GUCY1A2: variants seen among roughly 807,000 people sequenced by gnomAD.
GUCY1A2 encodes the protein guanylate cyclase 1 soluble subunit alpha 2, also known as guanylate cyclase soluble subunit alpha-2.
In GUCY1A2, 27 loss-of-function variants were observed where a neutral mutation model predicts 63.5. That is an observed-to-expected ratio of 0.43 (90% CI 0.31 to 0.59). The LOEUF (loss-of-function observed/expected upper bound fraction) is 0.59, where lower values mean the gene tolerates loss of function less well. Among genes scored for constraint, GUCY1A2 ranks in the 20% least tolerant of loss-of-function variants. The probability of loss-of-function intolerance (pLI) is 0.11; values close to 1 mark genes in which losing one functional copy is unlikely to be tolerated. For missense variants in GUCY1A2, 768 were observed against 913.3 expected (o/e 0.84, Z 2.05); for synonymous variants, 364 against 343.5 (o/e 1.06, Z -0.66).
intron 4 of GUCY1A2, among the ~76,000 whole-genome samples, chr11:106,841,424 C>G (rs996816695): frequency 6.6e-6 from 1 of 151,742 alleles, no homozygotes; most frequent in Non-Finnish European, 1.5e-5. Flanking sequence ...ATTCCCTGTC[C>G]ACAGGGAATT....
intron 6 of GUCY1A2, among the ~76,000 whole-genome samples, chr11:106,714,437 A>C (rs1402391968): frequency 6.6e-6 from 1 of 152,194 alleles, no homozygotes; most frequent in Non-Finnish European, 1.5e-5. Flanking sequence ...TAATTTATTG[A>C]GATTTCCCAG....
At chr11:106,901,103 G>C (rs1860126637) in intron 4 of GUCY1A2, among the ~76,000 whole-genome samples, 4 of 152,200 alleles carry the variant, frequency 2.6e-5, no homozygotes. Flanking sequence ...CTCAAACCCT[G>C]CTGCTGCCCT....
intron 3 of GUCY1A2, among the ~76,000 whole-genome samples, chr11:106,969,828 C>CAA (rs1861171898): frequency 6.6e-6 from 1 of 152,134 alleles, no homozygotes; most frequent in Non-Finnish European, 1.5e-5. Flanking sequence ...CCTCATAGTT[C>CAA]AAACACTGCC....
chr11:106,722,218 C>CAAAG (rs1863329405), intron 6 of GUCY1A2, among the ~76,000 whole-genome samples: 1 of 151,972 alleles, frequency 6.6e-6, no homozygotes, highest in Non-Finnish European at 1.5e-5. Context: ...GATTTGCAAA[C>CAAAG]AAAGAATGAG....
At chr11:106,947,189 C>T (rs1860841253) in intron 3 of GUCY1A2, among the ~76,000 whole-genome samples, 1 of 150,144 alleles carries the variant, frequency 6.7e-6, no homozygotes. Context: ...TGCACTCCAG[C>T]CTGGGTGACA....
At chr11:106,998,230 G>C (rs1369491355) in intron 1 of GUCY1A2, among the ~76,000 whole-genome samples, 2 of 152,070 alleles carry the variant, frequency 1.3e-5, no homozygotes, top group Non-Finnish European at 2.9e-5. Context: ...AGTATTTCTG[G>C]CCATCTGTTT....
intron 1 of GUCY1A2, among the ~76,000 whole-genome samples, chr11:107,003,244 T>C (rs1861631987): frequency 6.6e-6 from 1 of 152,184 alleles, no homozygotes; most frequent in South Asian, 2.1e-4. Flanking sequence ...AGTTGCAGGA[T>C]TGGCATCGCT....
At chr11:106,814,042 T>C (rs1858799068) in intron 4 of GUCY1A2, among the ~76,000 whole-genome samples, 1 of 152,198 alleles carries the variant, frequency 6.6e-6, no homozygotes, top group South Asian at 2.1e-4. Context: ...TCTTAACCAC[T>C]GTAGAAGCCT....
chr11:107,005,870 A>G (rs80111884), intron 1 of GUCY1A2, among the ~76,000 whole-genome samples: 3,578 of 152,278 alleles, frequency 0.023, 127 homozygotes, highest in African/African-American at 0.079. Context: ...CATAAAAAGC[A>G]TAAGAGCACT....
intron 6 of GUCY1A2, among the ~76,000 whole-genome samples, chr11:106,709,079 T>A (rs1238053755): frequency 7.1e-6 from 1 of 141,074 alleles, no homozygotes; most frequent in East Asian, 2.0e-4. Flanking sequence ...AAATTAAATA[T>A]TTATATTTCT....
chr11:106,796,402 C>G (rs185804583), intron 5 of GUCY1A2, among the ~76,000 whole-genome samples: 21 of 152,154 alleles, frequency 1.4e-4, no homozygotes, highest in Admixed American at 1.4e-3. Context: ...TTCCTAGCAT[C>G]GATGGTCTTT....
chr11:106,892,276 A>G (rs1859984856), intron 4 of GUCY1A2, among the ~76,000 whole-genome samples: 1 of 152,106 alleles, frequency 6.6e-6, no homozygotes, highest in South Asian at 2.1e-4. Flanking sequence ...AGTAAATAAT[A>G]ACTATAAATT....
chr11:106,702,310 T>C (rs1862830194), intron 7 of GUCY1A2, among the ~76,000 whole-genome samples: 1 of 152,094 alleles, frequency 6.6e-6, no homozygotes, highest in African/African-American at 2.4e-5. Context: ...ATTCCTAGGG[T>C]AGGAATTATG....
chr11:106,782,661 G>A (rs1864485321), intron 5 of GUCY1A2, among the ~76,000 whole-genome samples: 1 of 152,216 alleles, frequency 6.6e-6, no homozygotes, highest in African/African-American at 2.4e-5. Context: ...CCAAGAGTCT[G>A]AGTCCATAAG....
intron 4 of GUCY1A2, among the ~76,000 whole-genome samples, chr11:106,812,256 T>C (rs1001760985): frequency 6.6e-6 from 1 of 151,982 alleles, no homozygotes; most frequent in African/African-American, 2.4e-5. Context: ...ATGGCAATGA[T>C]AACATCTGAT....
At chr11:106,751,451 A>G (rs1863880028) in intron 6 of GUCY1A2, among the ~76,000 whole-genome samples, 1 of 151,020 alleles carries the variant, frequency 6.6e-6, no homozygotes, top group Non-Finnish European at 1.5e-5. Context: ...ATTAAATAGC[A>G]TTCTCTTCTC....
chr11:106,745,455 A>T (rs1236531352), intron 6 of GUCY1A2, among the ~76,000 whole-genome samples: 5 of 152,228 alleles, frequency 3.3e-5, no homozygotes, highest in Admixed American at 3.3e-4. Context: ...CTCCCATTTT[A>T]AACAATAAAA....
At chr11:106,864,810 C>T (rs1294746971) in intron 4 of GUCY1A2, among the ~76,000 whole-genome samples, 5 of 152,108 alleles carry the variant, frequency 3.3e-5, no homozygotes, top group South Asian at 2.1e-4. Context: ...CTGCTGGATT[C>T]GGTTTGCCAG....
At chr11:106,906,908 G>C (rs1438824490) in intron 4 of GUCY1A2, among the ~76,000 whole-genome samples, 5 of 152,066 alleles carry the variant, frequency 3.3e-5, no homozygotes, top group Non-Finnish European at 7.4e-5. Context: ...ACACAGGGAG[G>C]GGAAATTCAC....
Sources: allele counts gnomAD v4.1 joint callset (sites outside exome capture counted in the v4.1 genomes callset), GRCh38; gene constraint gnomAD v4.1.1; transcripts MANE v1.5; gene names NCBI Gene and HGNC (gene_info 2026-07-23, HGNC 2026-07-21).